The following MORN3 variants were observed in gnomAD, a reference collection of about 807,000 sequenced individuals.
MORN3 encodes MORN repeat containing 3.
In MORN3, 38 loss-of-function variants were observed where a neutral mutation model predicts 34.7. That is an observed-to-expected ratio of 1.10 (90% CI 0.85 to 1.44). The LOEUF (loss-of-function observed/expected upper bound fraction) is 1.44. Ranked by LOEUF, MORN3 falls within the 40% of genes most tolerant of loss-of-function variation. MORN3 has a pLI of 0.00. For synonymous variants in MORN3, 109 were observed against 115.3 expected, an observed-to-expected ratio of 0.95 and a Z score of 0.35; for missense variants, 311 against 321.7, an observed-to-expected ratio of 0.97 and a Z score of 0.25.
chr12:121,670,063 G>A (rs1376848509), upstream of MORN3, among the ~76,000 whole-genome samples: 1 of 151,432 alleles, frequency 6.6e-6, no homozygotes, highest in Non-Finnish European at 1.5e-5. Flanking sequence ...TAGTAGAGAC[G>A]GGGGTTTCAC....
chr12:121,659,473 C>T lies in MORN3; in HGVS notation c.146-125G>A. Reference sequence around the variant, plus strand: ...GAGAGCTGGGACAGGCTCTGCGCATCATCCTAGACACCAAGTACCCAGGAG... The same window carrying T: ...GAGAGCTGGGACAGGCTCTGCGCATTATCCTAGACACCAAGTACCCAGGAG... On this transcript the variant is annotated intron_variant, in intron 1 of 5. Coordinates refer to ENST00000355329, the MANE Select transcript of MORN3 (RefSeq NM_173855.5). 3 of 833,852 alleles carry T rather than the reference C, an allele frequency of 3.6e-6. No homozygotes were observed. The South Asian group carries it at 5.1e-5, about 14-fold the overall frequency. The allele number at this position is 833,852 out of a possible 1,614,324, so 51.7% of individuals were successfully genotyped here. A position where few individuals can be genotyped will look rare whatever the true frequency, so the allele number is the denominator to read the frequency against.
intron 5 of MORN3, among the ~76,000 whole-genome samples, chr12:121,652,333 A>G (rs782486362): frequency 1.3e-5 from 2 of 151,832 alleles, no homozygotes; most frequent in African/African-American, 2.4e-5. Context: ...TCCCGGGTTC[A>G]AGTGATTCCC....
chr12:121,669,832 A>ATTTT (rs63366260), upstream of MORN3, among the ~76,000 whole-genome samples: 2 of 133,616 alleles, frequency 1.5e-5, no homozygotes, highest in African/African-American at 2.9e-5. Flanking sequence ...ATATATATAT[A>ATTTT]TTTTTTTTTT....
Position 121,650,073 on chromosome 12 carries a change from GTAAC to G in MORN3, c.*1574_*1577del, listed in dbSNP as rs1309611520. 6.6e-6 allele frequency: 1 copy of G among 151,896 alleles called. No individual in the cohort carries two copies. Among genetic ancestry groups the G allele is most frequent in the Non-Finnish European group, 1.5e-5 (1 of 67,992 alleles). 9.4% of individuals were successfully genotyped at this position (151,896 alleles called of 1,614,324 possible). A position where few individuals can be genotyped will look rare whatever the true frequency, so the allele number is the denominator to read the frequency against. On this transcript the variant is annotated 3_prime_UTR_variant, in exon 6 of 6. Coordinates refer to ENST00000355329, the MANE Select transcript of MORN3 (RefSeq NM_173855.5). ...ACCACCGCCTTATCTCATCCTCACA[GTAAC>G]TAACCACAGTAACCCCAGGTGGTAA...
intron 1 of MORN3, among the ~76,000 whole-genome samples, chr12:121,664,245 C>T (rs902646606): frequency 6.6e-6 from 1 of 152,176 alleles, no homozygotes; most frequent in Non-Finnish European, 1.5e-5. Flanking sequence ...CTGAAGCCCT[C>T]CTGAGTTGAA....
chr12:121,669,695 C>A, upstream of MORN3: 2 of 525,216 alleles, frequency 3.8e-6, no homozygotes, highest in Non-Finnish European at 6.6e-6. Context: ...CTGGGGCCCC[C>A]TCCCAGGGGG....
At chr12:121,672,284 A>T (rs1248432185), upstream of MORN3, among the ~76,000 whole-genome samples, 3 of 149,492 alleles carry the variant, frequency 2.0e-5, no homozygotes, top group Non-Finnish European at 4.4e-5. Context: ...CCATAGTGAG[A>T]CCTTATCTCT....
At chr12:121,654,051 C>T (rs956183417) in intron 3 of MORN3, among the ~76,000 whole-genome samples, 13 of 152,180 alleles carry the variant, frequency 8.5e-5, no homozygotes, top group Admixed American at 3.9e-4. Flanking sequence ...TGTGGAGGTG[C>T]GTGTCCTAAA....
At chr12:121,668,859 C>G (rs547790963) in intron 1 of MORN3, among the ~76,000 whole-genome samples, 1 of 152,322 alleles carries the variant, frequency 6.6e-6, no homozygotes, top group African/African-American at 2.4e-5. Flanking sequence ...CCTTTGCCCC[C>G]TGCTGGTCAG....
In MORN3 at chr12:121,654,381, C is replaced by T. The variant is rs1555325487; in HGVS notation, c.356G>A (p.Cys119Tyr). ...GCCCCACCCGCTGCGCTGGCTGCCA[C>T]ACCAGTCACCCTCATAATACTCCTT... ...GPKEYYEGDWCGSQRSGWGRM... is the reference protein window; with the variant it reads ...GPKEYYEGDWYGSQRSGWGRM... The change falls in exon 3 of 6, where the codon TGT becomes TAT. Residue 119 changes from cysteine to tyrosine, a missense_variant. Cys to Tyr is a radical substitution (Grantham distance 194). Transcript: ENST00000355329. 2 of 1,601,630 alleles carry T rather than the reference C, an allele frequency of 1.2e-6. No homozygotes were observed. The highest frequency in any genetic ancestry group is 2.2e-5 in the East Asian group (1 of 44,552).
chr12:121,670,243 A>G (rs1566488688), upstream of MORN3, among the ~76,000 whole-genome samples: 1 of 152,094 alleles, frequency 6.6e-6, no homozygotes, highest in Non-Finnish European at 1.5e-5. Context: ...GTAGGGAAAA[A>G]TAATTCCAGG....
At chr12:121,662,389 C>T (rs930167965) in intron 1 of MORN3, among the ~76,000 whole-genome samples, 3 of 152,072 alleles carry the variant, frequency 2.0e-5, no homozygotes, top group Non-Finnish European at 2.9e-5. Context: ...ATTGCTTGAA[C>T]GTCAGAGGCA....
intron 1 of MORN3, 122 bp downstream of exon 1, chr12:121,669,217 C>T (rs1420023114): frequency 2.2e-6 from 3 of 1,363,920 alleles, no homozygotes; most frequent in Admixed American, 1.8e-5. Flanking sequence ...CAGCGCTCAC[C>T]CTGGGGGAGC....
chr12:121,656,647 G>A (rs1893426058), intron 2 of MORN3, among the ~76,000 whole-genome samples: 1 of 152,138 alleles, frequency 6.6e-6, no homozygotes, highest in East Asian at 1.9e-4. Flanking sequence ...CCCTAGCTGG[G>A]ACTACAGGTA....
At chr12:121,655,961 C>T (rs967864450) in intron 2 of MORN3, among the ~76,000 whole-genome samples, 3 of 151,998 alleles carry the variant, frequency 2.0e-5, no homozygotes, top group Non-Finnish European at 2.9e-5. Flanking sequence ...AACCAGGAGG[C>T]GGAGCTTGCA....
At chr12:121,659,105 C>A in intron 2 of MORN3, 86 bp downstream of exon 2, 2 of 1,523,218 alleles carry the variant, frequency 1.3e-6, no homozygotes, top group Non-Finnish European at 8.9e-7. Flanking sequence ...TTCTCCCAGG[C>A]CTCTCTCGGC....
chr12:121,658,749 T>C (rs1893488487), intron 2 of MORN3, among the ~76,000 whole-genome samples: 1 of 152,012 alleles, frequency 6.6e-6, no homozygotes, highest in South Asian at 2.1e-4. Context: ...AGCACGCGCC[T>C]CTGGCTGGCT....
rs145562930 is a variant in MORN3, at chr12:121,656,025, G to A, written c.304-1592C>T. ...AGCCTGGGCAACAGAGAAAGACTCC[G>A]TCTCAAAAAACAAAAAACACCACAC... On this transcript the variant is annotated intron_variant, in intron 2 of 5. Coordinates refer to ENST00000355329, the MANE Select transcript of MORN3 (RefSeq NM_173855.5). Among the ~76,000 whole-genome samples, 532 of 152,048 alleles carry A rather than the reference G, an allele frequency of 3.5e-3. 2 individuals are homozygous for A. The highest frequency in any genetic ancestry group is 0.012 in the African/African-American group (477 of 41,446).
At chr12:121,665,312 A>T (rs1893713543) in intron 1 of MORN3, among the ~76,000 whole-genome samples, 2 of 51,858 alleles carry the variant, frequency 3.9e-5, no homozygotes, top group Non-Finnish European at 7.1e-5. Context: ...TTTTTTTGAG[A>T]CGGTGTCTCG....
Sources: gnomAD v4.1 joint callset for allele counts (sites outside exome capture counted in the v4.1 genomes callset) on GRCh38, gnomAD v4.1.1 for gene constraint, MANE v1.5 for transcripts, NCBI Gene and HGNC (gene_info 2026-07-23, HGNC 2026-07-21) for gene names.